Variants in AIG1 observed in about 807,000 individuals in gnomAD.
AIG1 encodes androgen induced 1.
AIG1 carries 23 observed loss-of-function variants against 31.4 expected under a neutral mutation model. The ratio of observed to expected loss-of-function variants is 0.73; its 90% CI spans 0.53 to 1.04. AIG1 has a LOEUF of 1.04. Ranked by LOEUF, AIG1 falls within the 50% of genes least tolerant of loss-of-function variation. AIG1 has a pLI of 0.00. For missense variants in AIG1, 274 were observed against 295.0 expected, an observed-to-expected ratio of 0.93 and a Z score of 0.52; for synonymous variants, 100 against 110.5, an observed-to-expected ratio of 0.90 and a Z score of 0.60.
At chr6:143,171,506 A>AAT (rs1401394407) in intron 3 of AIG1, among the ~76,000 whole-genome samples, 3 of 125,406 alleles carry the variant, frequency 2.4e-5, no homozygotes, top group Admixed American at 9.5e-5. Flanking sequence ...ATATATATTT[A>AAT]ATATATATAA....
At chr6:143,061,304 T>G in intron 1 of AIG1, 1 of 648,504 alleles carries the variant, frequency 1.5e-6, no homozygotes, top group Non-Finnish European at 2.9e-6. Context: ...ACCTGGCAAC[T>G]GGGGGACAAA....
At chr6:143,322,368 T>C (rs9484726) in intron 4 of AIG1, among the ~76,000 whole-genome samples, 8,663 of 152,258 alleles carry the variant, frequency 0.057, 650 homozygotes, top group African/African-American at 0.17. Context: ...CTCCTCCCCC[T>C]CCAGAGCTAG....
intron 3 of AIG1, among the ~76,000 whole-genome samples, chr6:143,217,082 C>T (rs755838873): frequency 2.4e-4 from 36 of 152,270 alleles, no homozygotes; most frequent in South Asian, 2.1e-4. Flanking sequence ...TTATACTTTT[C>T]ATTAATTTTT....
intron 1 of AIG1, among the ~76,000 whole-genome samples, chr6:143,087,027 G>A (rs964665171): frequency 2.6e-5 from 4 of 152,164 alleles, no homozygotes; most frequent in Admixed American, 1.3e-4. Flanking sequence ...GTTAGAAAGC[G>A]TTTTCCCAGG....
chr6:143,084,984 C>T (rs1778628401), intron 1 of AIG1, among the ~76,000 whole-genome samples: 1 of 152,218 alleles, frequency 6.6e-6, no homozygotes, highest in African/African-American at 2.4e-5. Context: ...AACTCTCGGG[C>T]TGCAGTTACG....
At chr6:143,137,061 A>G (rs1051645616) in intron 2 of AIG1, 71 bp downstream of exon 2, 296 of 1,305,514 alleles carry the variant, frequency 2.3e-4, no homozygotes, top group Non-Finnish European at 2.6e-4. Context: ...TAAGAGAAAA[A>G]AAAAGAGTTC....
intron 1 of AIG1, among the ~76,000 whole-genome samples, chr6:143,104,556 T>C (rs968107674): frequency 6.6e-6 from 1 of 152,190 alleles, no homozygotes; most frequent in African/African-American, 2.4e-5. Context: ...AGGTGTGAGC[T>C]CTTCTGTTTG....
intron 3 of AIG1, among the ~76,000 whole-genome samples, chr6:143,271,127 T>C (rs751600683): frequency 6.6e-5 from 10 of 152,150 alleles, no homozygotes; most frequent in Non-Finnish European, 1.2e-4. Context: ...CAAATGTGAG[T>C]GTTTGCAGAT....
chr6:143,115,802 T>C (rs1781685748), intron 1 of AIG1, among the ~76,000 whole-genome samples: 1 of 152,250 alleles, frequency 6.6e-6, no homozygotes, highest in South Asian at 2.1e-4. Flanking sequence ...TTCCTCGCTT[T>C]ATTGCATCTG....
chr6:143,254,481 CTTTGT>C (rs902486527), intron 3 of AIG1, among the ~76,000 whole-genome samples: 1 of 152,152 alleles, frequency 6.6e-6, no homozygotes, highest in Non-Finnish European at 1.5e-5. Flanking sequence ...GGTGTCTCTG[CTTTGT>C]TTTATCTGCA....
intron 1 of AIG1, among the ~76,000 whole-genome samples, chr6:143,116,972 A>T (rs763641005): frequency 3.9e-5 from 6 of 152,078 alleles, no homozygotes; most frequent in Admixed American, 3.3e-4. Context: ...TTCCTCATCG[A>T]CAAGGAACGA....
chr6:143,313,669 A>G (rs2128709307), intron 4 of AIG1, among the ~76,000 whole-genome samples: 1 of 152,210 alleles, frequency 6.6e-6, no homozygotes, highest in East Asian at 1.9e-4. Flanking sequence ...ATAGTCAATA[A>G]CATTTAAAGA....
chr6:143,096,650 C>T (rs747010431), intron 1 of AIG1, among the ~76,000 whole-genome samples: 3 of 152,156 alleles, frequency 2.0e-5, no homozygotes, highest in Non-Finnish European at 4.4e-5. Context: ...TGTGGGAATT[C>T]CCCTGAGATT....
chr6:143,341,109 C>G (rs11757293), downstream of AIG1, among the ~76,000 whole-genome samples: 2 of 152,066 alleles, frequency 1.3e-5, no homozygotes, highest in Non-Finnish European at 2.9e-5. Context: ...ACTCTATATG[C>G]CCCCCATTTC....
At chr6:143,138,566 C>G (rs755373663) in intron 2 of AIG1, among the ~76,000 whole-genome samples, 1 of 151,950 alleles carries the variant, frequency 6.6e-6, no homozygotes, top group Non-Finnish European at 1.5e-5. Context: ...CCTGTGGAAG[C>G]CTTCGTTGGC....
At chr6:143,185,022 C>T (rs1305234504) in intron 3 of AIG1, among the ~76,000 whole-genome samples, 1 of 151,836 alleles carries the variant, frequency 6.6e-6, no homozygotes, top group Non-Finnish European at 1.5e-5. Flanking sequence ...ATGGTGAAAC[C>T]CGGTCTCTAC....
At chr6:143,153,575 C>G (rs181043685) in intron 2 of AIG1, among the ~76,000 whole-genome samples, 2 of 152,116 alleles carry the variant, frequency 1.3e-5, no homozygotes, top group Non-Finnish European at 2.9e-5. Flanking sequence ...TCTCGAACTC[C>G]GTACCTCGTG....
At chr6:143,167,984 A>G (rs979125650) in intron 3 of AIG1, among the ~76,000 whole-genome samples, 5 of 152,336 alleles carry the variant, frequency 3.3e-5, no homozygotes, top group Admixed American at 3.3e-4. Flanking sequence ...GTATCTGTGC[A>G]ACTATAGATA....
At chr6:143,140,968 G>T (rs1389455152) in intron 2 of AIG1, among the ~76,000 whole-genome samples, 1 of 152,180 alleles carries the variant, frequency 6.6e-6, no homozygotes, top group African/African-American at 2.4e-5. Flanking sequence ...CTGGGGCACT[G>T]CCAACCTTGC....
Sources: allele counts gnomAD v4.1 joint callset (sites outside exome capture counted in the v4.1 genomes callset), GRCh38; gene constraint gnomAD v4.1.1; transcripts MANE v1.5; gene names NCBI Gene and HGNC (gene_info 2026-07-23, HGNC 2026-07-21).